FNBP1: variants seen among roughly 807,000 people sequenced by gnomAD.
FNBP1 encodes the protein formin binding protein 1.
Under a neutral mutation model 90.6 loss-of-function variants are expected in FNBP1, and 26 were observed. The ratio of observed to expected loss-of-function variants is 0.29; its 90% CI spans 0.21 to 0.40. The LOEUF is 0.40. FNBP1 is among the 10% of genes least tolerant of loss of function. The pLI is 1.00. For missense variants in FNBP1, 635 were observed against 768.0 expected (o/e 0.83, Z 2.05); for synonymous variants, 260 against 265.2 (o/e 0.98, Z 0.19).
At chr9:129,933,333 T>C (rs372248022) in intron 6 of FNBP1, among the ~76,000 whole-genome samples, 1 of 152,220 alleles carries the variant, frequency 6.6e-6, no homozygotes. Flanking sequence ...TAGAATATTT[T>C]ACCCATGAAA....
chr9:129,949,820 A>C (rs1260467930), intron 6 of FNBP1, among the ~76,000 whole-genome samples: 1 of 152,192 alleles, frequency 6.6e-6, no homozygotes, highest in Non-Finnish European at 1.5e-5. Flanking sequence ...CAAAAAGAAA[A>C]GAAAATCAGG....
chr9:130,005,062 CA>C (rs573686773), intron 1 of FNBP1, among the ~76,000 whole-genome samples: 434 of 92,708 alleles, frequency 4.7e-3, no homozygotes, highest in Middle Eastern at 0.013. Flanking sequence ...AAGACTGTCT[CA>C]AAAAAAAAAA....
rs528715720 is a variant in FNBP1, at chr9:129,969,754, A to T, written c.345+8711T>A. Among the ~76,000 whole-genome samples, 81 of 146,692 alleles carry T rather than the reference A, an allele frequency of 5.5e-4. 1 individual carries two copies. The highest frequency in any genetic ancestry group is 1.3e-3 in the Admixed American group (19 of 14,720). On this transcript the variant is annotated intron_variant, in intron 4 of 16. Coordinates refer to ENST00000446176, the MANE Select transcript of FNBP1 (RefSeq NM_015033.3). The stretch of plus-strand genomic sequence containing the variant: ...GCCAGCCCTATCCCTAAAAAAAATT[A>T]AAAAAAAATTTTTTTTTAAATCTAA...
At chr9:129,906,017 G>A (rs552631947) in intron 12 of FNBP1, among the ~76,000 whole-genome samples, 3 of 151,926 alleles carry the variant, frequency 2.0e-5, no homozygotes, top group South Asian at 2.1e-4. Context: ...CCGAGTAGCT[G>A]GGATTACAGA....
intron 10 of FNBP1, chr9:129,916,353 C>T (rs2040251325): frequency 5.5e-6 from 1 of 183,004 alleles, no homozygotes; most frequent in Non-Finnish European, 1.2e-5. Context: ...TGCAGTGGCT[C>T]ACACCTGTAA....
At chr9:129,994,039 A>G (rs1442761254) in intron 2 of FNBP1, among the ~76,000 whole-genome samples, 1 of 152,248 alleles carries the variant, frequency 6.6e-6, no homozygotes, top group Non-Finnish European at 1.5e-5. Flanking sequence ...AGCTAAGCAT[A>G]TGAGTAGCCT....
At chr9:130,016,261 G>T (rs1238727644) in intron 1 of FNBP1, among the ~76,000 whole-genome samples, 1 of 152,140 alleles carries the variant, frequency 6.6e-6, no homozygotes, top group East Asian at 1.9e-4. Flanking sequence ...TAGGTCATGA[G>T]GGTGGGCCCC....
At chr9:129,932,688 T>C (rs2042940910) in intron 6 of FNBP1, among the ~76,000 whole-genome samples, 1 of 152,172 alleles carries the variant, frequency 6.6e-6, no homozygotes, top group Non-Finnish European at 1.5e-5. Flanking sequence ...GCATTCTTCC[T>C]CTTTGTTGGT....
chr9:129,988,344 C>T (rs1188786473), intron 2 of FNBP1, among the ~76,000 whole-genome samples: 2 of 151,290 alleles, frequency 1.3e-5, no homozygotes, highest in African/African-American at 2.5e-5. Context: ...TAGATAGTGA[C>T]CTCAGGGGTT....
At chr9:129,949,198 C>T (rs1324711614) in intron 6 of FNBP1, among the ~76,000 whole-genome samples, 1 of 152,046 alleles carries the variant, frequency 6.6e-6, no homozygotes, top group Non-Finnish European at 1.5e-5. Flanking sequence ...TCATTCAAAG[C>T]CTTCAAGTTC....
At chr9:130,043,817 G>A (rs367697230), upstream of FNBP1, among the ~76,000 whole-genome samples, 82 of 152,372 alleles carry the variant, frequency 5.4e-4, no homozygotes, top group East Asian at 0.013. Context: ...GAAACTCTCA[G>A]GCGTGAAATC....
chr9:130,024,699 A>G (rs2058167637), intron 1 of FNBP1, among the ~76,000 whole-genome samples: 1 of 152,196 alleles, frequency 6.6e-6, no homozygotes, highest in African/African-American at 2.4e-5. Context: ...AAAGTGAGAA[A>G]GTGAAGGAAG....
intron 1 of FNBP1, among the ~76,000 whole-genome samples, chr9:130,000,117 A>T (rs2054604898): frequency 6.6e-6 from 1 of 152,230 alleles, no homozygotes; most frequent in Non-Finnish European, 1.5e-5. Context: ...AGCTACAGTA[A>T]GATCCACTGG....
At chr9:129,903,756 C>G (rs1040429467) in intron 12 of FNBP1, among the ~76,000 whole-genome samples, 1 of 152,148 alleles carries the variant, frequency 6.6e-6, no homozygotes, top group Non-Finnish European at 1.5e-5. Flanking sequence ...GTCTTGAACT[C>G]CTGGCCTCAA....
intron 1 of FNBP1, among the ~76,000 whole-genome samples, chr9:129,996,999 T>C (rs1263747819): frequency 6.6e-6 from 1 of 151,786 alleles, no homozygotes; most frequent in Non-Finnish European, 1.5e-5. Context: ...CCGGCCGGCC[T>C]GTTTTTTTTT....
chr9:129,937,587 TG>T (rs11368211), intron 6 of FNBP1, among the ~76,000 whole-genome samples: 121,670 of 151,534 alleles, frequency 0.8, 49,168 homozygotes, highest in East Asian at 0.9. Context: ...AAAAATTAGC[TG>T]GGTGTGGTGG....
In FNBP1 at chr9:130,041,825, A is replaced by C. The variant is rs1250996912; in HGVS notation, c.24+1127T>G. On this transcript the variant is annotated intron_variant, in intron 1 of 16. Transcript: ENST00000446176. This position sits in a 1 kb window ranked among gnomAD's most constrained non-coding sequence, Gnocchi z 4.3. ...GTGCTCTGTTTCTGTAATTGCTCTAACCTTGTTTTATTTTGATATGAGATT... is the reference window on the plus strand; with the variant it reads ...GTGCTCTGTTTCTGTAATTGCTCTACCCTTGTTTTATTTTGATATGAGATT... Among the ~76,000 whole-genome samples the C allele has an allele frequency of 2.0e-5, 3 of 152,144 alleles. No homozygotes were observed. Among genetic ancestry groups the C allele is most frequent in the Non-Finnish European group, 2.9e-5 (2 of 68,018 alleles).
At chr9:129,938,235 G>A (rs1242506814) in intron 6 of FNBP1, among the ~76,000 whole-genome samples, 1 of 152,158 alleles carries the variant, frequency 6.6e-6, no homozygotes, top group African/African-American at 2.4e-5. Context: ...GGACACTAAG[G>A]AAGAGATGAA....
At position 130,034,291 on chromosome 9, in the gene FNBP1, C is replaced by T. The variant is rs1005386756; in HGVS notation, c.24+8661G>A. On this transcript the variant is annotated intron_variant, in intron 1 of 16. Coordinates refer to ENST00000446176, the MANE Select transcript of FNBP1 (RefSeq NM_015033.3). ...TCACACCACTGCACTCCAGCCTGGG[C>T]GACAGAGCAAGACTCCATCTCAAAA... is the stretch of plus-strand genomic sequence containing the variant. Among the ~76,000 whole-genome samples the T allele has an allele frequency of 5.0e-5, 7 of 140,778 alleles. 1 individual carries two copies. In the South Asian group the frequency reaches 6.8e-4, roughly 14 times the overall value. 92.4% of individuals were successfully genotyped at this position (140,778 alleles called of 152,430 possible).
Sources: gnomAD v4.1 joint callset for allele counts (sites outside exome capture counted in the v4.1 genomes callset) on GRCh38, gnomAD v4.1.1 for gene constraint, Gnocchi (gnomAD v3.1) non-coding constraint, MANE v1.5 for transcripts, NCBI Gene and HGNC (gene_info 2026-07-23, HGNC 2026-07-21) for gene names.